The following LUZP2 variants were observed in gnomAD, a reference collection of about 807,000 sequenced individuals.
LUZP2 encodes the protein leucine zipper protein 2.
Under a neutral mutation model 51.6 loss-of-function variants are expected in LUZP2, and 52 were observed. The observed-to-expected ratio is 1.01, with a 90% CI of 0.81 to 1.27. The LOEUF (loss-of-function observed/expected upper bound fraction) is 1.27, where lower values mean the gene tolerates loss of function less well. Ranked by LOEUF, LUZP2 falls within the 50% of genes most tolerant of loss-of-function variation. The pLI is 0.00. For synonymous variants in LUZP2, 154 were observed against 137.3 expected (o/e 1.12, Z -0.85); for missense variants, 436 against 395.4 (o/e 1.10, Z -0.87).
chr11:24,697,938 C>T (rs1270869250), intron 1 of LUZP2, among the ~76,000 whole-genome samples: 1 of 152,074 alleles, frequency 6.6e-6, no homozygotes, highest in Non-Finnish European at 1.5e-5. Flanking sequence ...TCCTGTGACC[C>T]CCACCCAGAA....
intron 1 of LUZP2, among the ~76,000 whole-genome samples, chr11:24,527,950 C>G (rs1280179297): frequency 6.6e-6 from 1 of 151,268 alleles, no homozygotes. Flanking sequence ...TAGACATCAG[C>G]ATCCTAACAA....
In LUZP2 at chr11:25,040,343, A is replaced by ATTTTTTTTTTTTTTTTTTTTTTTTTT. The variant is rs57668112; in HGVS notation, c.766-9675_766-9674insTTTTTTTTTTTTTTTTTTTTTTTTTT. Among the ~76,000 whole-genome samples, 65 of 98,814 alleles carry ATTTTTTTTTTTTTTTTTTTTTTTTTT rather than the reference A, an allele frequency of 6.6e-4. 12 individuals carry two copies. The highest frequency in any genetic ancestry group is 3.6e-3 in the East Asian group (15 of 4,190). The allele number at this position is 98,814 out of a possible 152,430, so 64.8% of individuals were successfully genotyped here. On this transcript the variant is annotated intron_variant, in intron 9 of 11. Transcript: ENST00000336930. ...AGAGAGCCACTTTTCTTTCTTTCCG[A>ATTTTTTTTTTTTTTTTTTTTTTTTTT]TTTTTTTTTTTTTTTTTTTTGCCAA...
intron 1 of LUZP2, among the ~76,000 whole-genome samples, chr11:24,561,734 A>T (rs2133773317): frequency 6.6e-6 from 1 of 152,106 alleles, no homozygotes; most frequent in South Asian, 2.1e-4. Flanking sequence ...TCATGGGTTG[A>T]TGGGTGCAGC....
intron 1 of LUZP2, among the ~76,000 whole-genome samples, chr11:24,585,511 C>A (rs1185277637): frequency 1.3e-5 from 2 of 151,908 alleles, no homozygotes; most frequent in Non-Finnish European, 2.9e-5. Flanking sequence ...TTTTTATTTA[C>A]TCTCATGTTT....
chr11:24,519,747 G>T (rs1324235588), intron 1 of LUZP2, among the ~76,000 whole-genome samples: 1 of 152,006 alleles, frequency 6.6e-6, no homozygotes, highest in African/African-American at 2.4e-5. Context: ...GTAAATTATT[G>T]CCATGTCAAT....
At position 25,041,983 on chromosome 11, in the gene LUZP2, A is replaced by G. The variant is rs553298582; in HGVS notation, c.766-8055A>G. Among the ~76,000 whole-genome samples the G allele has an allele frequency of 1.6e-4, 25 of 152,276 alleles. 1 individual carries two copies. The South Asian group carries it at 4.8e-3, about 29-fold the overall frequency. On this transcript the variant is annotated intron_variant, in intron 9 of 11. Coordinates refer to ENST00000336930, the MANE Select transcript of LUZP2 (RefSeq NM_001009909.4). ...TCTAATGTCTGATGATATGAGGTGG[A>G]ACAGTTTCATCCTGAAATCATCGTC...
chr11:24,664,972 C>A (rs1856164416), intron 1 of LUZP2, among the ~76,000 whole-genome samples: 1 of 152,096 alleles, frequency 6.6e-6, no homozygotes, highest in Non-Finnish European at 1.5e-5. Context: ...AGAGGTCCAC[C>A]ATCCTCCAGA....
At chr11:24,501,748 G>A (rs1363271839) in intron 1 of LUZP2, among the ~76,000 whole-genome samples, 2 of 151,942 alleles carry the variant, frequency 1.3e-5, no homozygotes, top group Non-Finnish European at 2.9e-5. Context: ...CACCATCAGG[G>A]CAATAAAACA....
intron 1 of LUZP2, among the ~76,000 whole-genome samples, chr11:24,501,262 T>A (rs1849984524): frequency 1.3e-5 from 2 of 152,252 alleles, no homozygotes; most frequent in Non-Finnish European, 1.5e-5. Flanking sequence ...CTTAGTCACC[T>A]ATTTCCAATA....
chr11:24,835,068 G>T (rs940673063), intron 5 of LUZP2, among the ~76,000 whole-genome samples: 1 of 151,994 alleles, frequency 6.6e-6, no homozygotes, highest in African/African-American at 2.4e-5. Flanking sequence ...ATACCACAAG[G>T]CTACAGTAAC....
At chr11:24,892,409 A>G in intron 5 of LUZP2, 2 of 981,784 alleles carry the variant, frequency 2.0e-6, no homozygotes, top group Non-Finnish European at 2.4e-6. Context: ...TGATGTCTCG[A>G]TTAGCACTTA....
chr11:24,913,646 T>C (rs1468070157), intron 6 of LUZP2, among the ~76,000 whole-genome samples: 2 of 149,764 alleles, frequency 1.3e-5, no homozygotes, highest in African/African-American at 2.5e-5. Flanking sequence ...TTTTCCTTCA[T>C]GTGATCATGC....
At chr11:24,649,854 AC>A (rs1432865230) in intron 1 of LUZP2, among the ~76,000 whole-genome samples, 1 of 151,900 alleles carries the variant, frequency 6.6e-6, no homozygotes, top group African/African-American at 2.4e-5. Context: ...AGCTTGGGCC[AC>A]TGTCTGTCCT....
chr11:24,890,704 T>C (rs10834530), intron 5 of LUZP2, among the ~76,000 whole-genome samples: 145,430 of 152,148 alleles, frequency 0.96, 69,828 homozygotes, highest in East Asian at 1. Flanking sequence ...TCTGGATTTA[T>C]TCATCTTTAT....
intron 5 of LUZP2, among the ~76,000 whole-genome samples, chr11:24,863,565 T>C (rs2403974): frequency 0.55 from 82,528 of 151,380 alleles, 23,825 homozygotes; most frequent in Middle Eastern, 0.66. Flanking sequence ...GAATAGGAAA[T>C]GACTGCTAAT....
chr11:24,981,019 A>G (rs150201831), intron 8 of LUZP2, among the ~76,000 whole-genome samples: 27 of 152,044 alleles, frequency 1.8e-4, no homozygotes, highest in Admixed American at 9.2e-4. Flanking sequence ...CTGGCTGTAC[A>G]TGGTTTACAT....
At chr11:24,734,161 A>G (rs918346134) in intron 3 of LUZP2, among the ~76,000 whole-genome samples, 2 of 151,834 alleles carry the variant, frequency 1.3e-5, no homozygotes, top group African/African-American at 4.8e-5. Context: ...GTGAGAAAAC[A>G]CTACTTAGAG....
chr11:24,604,952 C>A (rs1263690503), intron 1 of LUZP2, among the ~76,000 whole-genome samples: 1 of 151,658 alleles, frequency 6.6e-6, no homozygotes, highest in Non-Finnish European at 1.5e-5. Flanking sequence ...TGGGGAGTGG[C>A]TTGTTTATAG....
intron 5 of LUZP2, among the ~76,000 whole-genome samples, chr11:24,899,475 T>A (rs895341800): frequency 6.6e-6 from 1 of 151,978 alleles, no homozygotes; most frequent in Non-Finnish European, 1.5e-5. Context: ...TTATATTAAA[T>A]TACATGTAAA....
Sources: gnomAD v4.1 joint callset for allele counts (sites outside exome capture counted in the v4.1 genomes callset) on GRCh38, gnomAD v4.1.1 for gene constraint, MANE v1.5 for transcripts, NCBI Gene and HGNC (gene_info 2026-07-23, HGNC 2026-07-21) for gene names.